ERC1: variants seen among roughly 807,000 people sequenced by gnomAD.
The protein encoded by ERC1 is RAB6 interacting protein 2.
A neutral mutation model predicts 132.0 loss-of-function variants in ERC1; 56 were observed. That is an observed-to-expected ratio of 0.42 (90% confidence interval 0.34 to 0.53). ERC1 has a LOEUF of 0.53. ERC1 is among the 20% of genes least tolerant of loss of function. The pLI is 0.03. For missense variants in ERC1, 1,202 were observed against 1,349.9 expected, an observed-to-expected ratio of 0.89 and a Z score of 1.72; for synonymous variants, 478 against 476.1, an observed-to-expected ratio of 1.00 and a Z score of -0.05.
At chr12:1,007,421 C>T (rs34462713) in intron 1 of ERC1, among the ~76,000 whole-genome samples, 4,389 of 152,030 alleles carry the variant, frequency 0.029, 92 homozygotes, top group Non-Finnish European at 0.048. Flanking sequence ...GATAGAGACG[C>T]GTACAGAGTT....
At chr12:1,038,681 C>G (rs1969583586) in intron 2 of ERC1, among the ~76,000 whole-genome samples, 1 of 152,110 alleles carries the variant, frequency 6.6e-6, no homozygotes, top group South Asian at 2.1e-4. Flanking sequence ...ATCTGATTTA[C>G]TCAATGAAGA....
At chr12:1,407,857 G>T (rs1398153807) in intron 16 of ERC1, among the ~76,000 whole-genome samples, 6 of 151,642 alleles carry the variant, frequency 4.0e-5, no homozygotes, top group African/African-American at 1.5e-4. Context: ...ATCAGATTAA[G>T]GCCCCACCCT....
At chr12:1,280,203 C>T (rs1293706105) in intron 14 of ERC1, among the ~76,000 whole-genome samples, 4 of 152,284 alleles carry the variant, frequency 2.6e-5, no homozygotes, top group South Asian at 2.1e-4. Context: ...ATCCAAGATA[C>T]GGCTGAAAGT....
At position 1,428,586 on chromosome 12, in the gene ERC1, A is replaced by T. The variant is rs116287002; in HGVS notation, c.3025-15976A>T. Reference sequence around the variant, plus strand: ...AATACCAGTTTTGGAAGACAGGCCTAACACTTGTGTATTCCATCACATCTT... The same window carrying T: ...AATACCAGTTTTGGAAGACAGGCCTTACACTTGTGTATTCCATCACATCTT... On this transcript the variant is annotated intron_variant, in intron 17 of 18. Coordinates refer to ENST00000360905, the MANE Select transcript of ERC1 (RefSeq NM_178040.4). 7.6e-4 allele frequency among the ~76,000 whole-genome samples: 116 copies of T among 152,308 alleles called. 1 individual carries two copies. The highest frequency in any genetic ancestry group is 2.6e-3 in the African/African-American group (109 of 41,574).
intron 16 of ERC1, among the ~76,000 whole-genome samples, chr12:1,403,852 C>T (rs1388005352): frequency 6.6e-6 from 1 of 152,196 alleles, no homozygotes; most frequent in African/African-American, 2.4e-5. Flanking sequence ...TCTACTTTCA[C>T]CCACATTCCT....
At chr12:1,255,213 G>C (rs2076716568) in intron 13 of ERC1, among the ~76,000 whole-genome samples, 1 of 151,644 alleles carries the variant, frequency 6.6e-6, no homozygotes, top group African/African-American at 2.4e-5. Flanking sequence ...TTCTGTTCTT[G>C]TGTTAGTTTG....
chr12:1,058,630 T>A (rs1440754276), intron 2 of ERC1, among the ~76,000 whole-genome samples: 2 of 152,192 alleles, frequency 1.3e-5, no homozygotes, highest in Non-Finnish European at 2.9e-5. Flanking sequence ...CATAGTGTGA[T>A]GTCTTCTGCT....
intron 2 of ERC1, among the ~76,000 whole-genome samples, chr12:1,035,208 C>T (rs1263824749): frequency 9.2e-5 from 14 of 152,168 alleles, no homozygotes; most frequent in Non-Finnish European, 2.1e-4. Context: ...AGGCATCTTC[C>T]ACTTGATAAA....
chr12:1,043,662 G>T (rs985736836), intron 2 of ERC1, among the ~76,000 whole-genome samples: 2 of 152,104 alleles, frequency 1.3e-5, no homozygotes, highest in African/African-American at 4.8e-5. Context: ...TTTGATAGGT[G>T]AAAAAAATCT....
chr12:995,939 G>A (rs10849613), intron 1 of ERC1, among the ~76,000 whole-genome samples: 39,874 of 151,986 alleles, frequency 0.26, 7,395 homozygotes, highest in African/African-American at 0.53. Context: ...AACGGTCAGC[G>A]GTGTCATTGT....
At chr12:1,255,961 C>A (rs552996666) in intron 13 of ERC1, among the ~76,000 whole-genome samples, 1 of 152,090 alleles carries the variant, frequency 6.6e-6, no homozygotes, top group East Asian at 1.9e-4. Context: ...GAGATGGTAT[C>A]TCATTGTGGT....
intron 15 of ERC1, among the ~76,000 whole-genome samples, chr12:1,367,951 CTTTT>C (rs59027116): frequency 1.1e-4 from 13 of 118,528 alleles, no homozygotes; most frequent in African/African-American, 3.0e-4. Context: ...CCACATTTTC[CTTTT>C]TTTTTTTTTT....
chr12:1,360,350 C>T (rs1328593767), intron 15 of ERC1, among the ~76,000 whole-genome samples: 1 of 152,178 alleles, frequency 6.6e-6, no homozygotes, highest in African/African-American at 2.4e-5. Flanking sequence ...AACGTTGGAA[C>T]TTAGGATCCA....
intron 15 of ERC1, among the ~76,000 whole-genome samples, chr12:1,310,877 T>C (rs973643259): frequency 6.6e-6 from 1 of 152,276 alleles, no homozygotes; most frequent in African/African-American, 2.4e-5. Flanking sequence ...GCTGCATAAC[T>C]GCAGGCTTCT....
chr12:1,034,728 G>A (rs1968735083), intron 2 of ERC1, among the ~76,000 whole-genome samples: 1 of 152,130 alleles, frequency 6.6e-6, no homozygotes, highest in Non-Finnish European at 1.5e-5. Context: ...AAAAGTTATT[G>A]GCGTACTTGT....
chr12:1,365,391 A>C (rs1406337435), intron 15 of ERC1, among the ~76,000 whole-genome samples: 1 of 152,220 alleles, frequency 6.6e-6, no homozygotes, highest in African/African-American at 2.4e-5. Flanking sequence ...AACACTGAAC[A>C]GCGGGGGAAC....
chr12:1,124,871 A>C (rs1947979892), intron 7 of ERC1, among the ~76,000 whole-genome samples: 1 of 152,208 alleles, frequency 6.6e-6, no homozygotes, highest in Non-Finnish European at 1.5e-5. Flanking sequence ...GAAGAAGTTC[A>C]AGAGATAAGA....
chr12:1,342,843 A>C (rs1183524429), intron 15 of ERC1, among the ~76,000 whole-genome samples: 1 of 152,210 alleles, frequency 6.6e-6, no homozygotes, highest in Non-Finnish European at 1.5e-5. Flanking sequence ...ACTAATTTAA[A>C]TTGCTATTCT....
intron 13 of ERC1, among the ~76,000 whole-genome samples, chr12:1,260,119 C>T (rs954475572): frequency 9.2e-5 from 14 of 152,134 alleles, no homozygotes; most frequent in Admixed American, 5.2e-4. Context: ...TAGTAGCTTC[C>T]TGAGAGAGTC....
Sources: allele counts gnomAD v4.1 joint callset (sites outside exome capture counted in the v4.1 genomes callset), GRCh38; gene constraint gnomAD v4.1.1; transcripts MANE v1.5; gene names NCBI Gene and HGNC (gene_info 2026-07-23, HGNC 2026-07-21).